The following ITPR2 variants were observed in gnomAD, a reference collection of about 807,000 sequenced individuals.
ITPR2 encodes inositol 1,4,5-trisphosphate-gated calcium channel ITPR2.
In ITPR2, 207 loss-of-function variants were observed where a neutral mutation model predicts 317.1. The ratio of observed to expected loss-of-function variants is 0.65; its 90% CI spans 0.58 to 0.73. The LOEUF is 0.73. Among genes scored for constraint, ITPR2 ranks in the 30% least tolerant of loss-of-function variants. The pLI, the probability that ITPR2 is intolerant of heterozygous loss-of-function variation, is 0.00. For synonymous variants in ITPR2, 1,156 were observed against 1,149.1 expected (o/e 1.01, Z -0.12); for missense variants, 2,613 against 3,284.0 (o/e 0.80, Z 4.99).
At chr12:26,455,114 T>C (rs1227866814) in intron 45 of ITPR2, among the ~76,000 whole-genome samples, 3 of 151,930 alleles carry the variant, frequency 2.0e-5, no homozygotes, top group Non-Finnish European at 2.9e-5. Context: ...ACACTGCCAG[T>C]GTGTGCTCAG....
chr12:26,786,453 A>T (rs868362912), intron 2 of ITPR2, among the ~76,000 whole-genome samples: 27,336 of 111,212 alleles, frequency 0.25, 3,208 homozygotes, highest in Non-Finnish European at 0.39. Flanking sequence ...GATCAATAAA[A>T]AAAAAAAAAA....
intron 2 of ITPR2, among the ~76,000 whole-genome samples, chr12:26,748,656 T>A (rs866028954): frequency 1.3e-5 from 2 of 152,226 alleles, no homozygotes; most frequent in South Asian, 2.1e-4. Context: ...TGCATTTTAG[T>A]CTTAGTGAGA....
chr12:26,454,992 A>G (rs912710285), intron 45 of ITPR2, among the ~76,000 whole-genome samples: 1 of 152,154 alleles, frequency 6.6e-6, no homozygotes, highest in Non-Finnish European at 1.5e-5. Flanking sequence ...TGATATACCT[A>G]TTCCAAGAAT....
At chr12:26,782,663 C>CT (rs35591617) in intron 2 of ITPR2, among the ~76,000 whole-genome samples, 55,687 of 152,054 alleles carry the variant, frequency 0.37, 12,676 homozygotes, top group Non-Finnish European at 0.53. Flanking sequence ...TGCATAACTT[C>CT]TTATACTTAC....
intron 42 of ITPR2, among the ~76,000 whole-genome samples, chr12:26,482,046 C>T (rs1238884779): frequency 6.6e-6 from 1 of 152,172 alleles, no homozygotes; most frequent in Admixed American, 6.5e-5. Flanking sequence ...GTATGAAAAA[C>T]TGAAATCCTG....
intron 34 of ITPR2, among the ~76,000 whole-genome samples, chr12:26,565,484 TGATAGATAGATAGATA>T (rs75320702): frequency 0.088 from 12,207 of 138,810 alleles, 722 homozygotes; most frequent in Non-Finnish European, 0.13. Context: ...GATAGACAGA[TGATAGATAGATAGATA>T]GATAGATAGA....
intron 49 of ITPR2, among the ~76,000 whole-genome samples, chr12:26,422,132 T>C (rs1940916439): frequency 6.6e-6 from 1 of 150,386 alleles, no homozygotes; most frequent in African/African-American, 2.4e-5. Context: ...AATTATTTAC[T>C]AATTATTTAC....
intron 9 of ITPR2, among the ~76,000 whole-genome samples, 183 bp from the exon 10 acceptor site, chr12:26,695,833 A>G (rs149037219): frequency 1.7e-4 from 26 of 152,326 alleles, no homozygotes; most frequent in Non-Finnish European, 2.6e-4. Context: ...GTTGCAGGAG[A>G]CAAAAGCTGA....
In ITPR2 at chr12:26,541,146, TAA is replaced by T. The variant is rs3058665; in HGVS notation, c.5073+9099_5073+9100del. Among the ~76,000 whole-genome samples, 247 of 110,120 alleles carry T rather than the reference TAA, an allele frequency of 2.2e-3. 3 individuals are homozygous for T. Among genetic ancestry groups the T allele is most frequent in the Admixed American group, 0.021 (220 of 10,546 alleles). 72.2% of individuals were successfully genotyped at this position (110,120 alleles called of 152,430 possible). A position where few individuals can be genotyped will look rare whatever the true frequency, so the allele number is the denominator to read the frequency against. ...AACATGGTGAAACCCCATCTCTGCT[TAA>T]AAAAAAAAAAAAAAAAAAATTAGCT... On this transcript the variant is annotated intron_variant, in intron 37 of 56. Transcript: ENST00000381340.
intron 37 of ITPR2, among the ~76,000 whole-genome samples, chr12:26,496,305 C>A (rs1453620400): frequency 6.6e-6 from 1 of 152,228 alleles, no homozygotes; most frequent in African/African-American, 2.4e-5. Context: ...CCAGCCATTT[C>A]TTCATGTCCC....
At chr12:26,790,602 C>CACAT in intron 1 of ITPR2, among the ~76,000 whole-genome samples, 2 of 152,028 alleles carry the variant, frequency 1.3e-5, no homozygotes, top group Middle Eastern at 6.8e-3. Flanking sequence ...CACACACACA[C>CACAT]ACACACACAC....
chr12:26,390,877 A>G (rs1939812208), intron 54 of ITPR2, among the ~76,000 whole-genome samples: 1 of 152,244 alleles, frequency 6.6e-6, no homozygotes, highest in Non-Finnish European at 1.5e-5. Flanking sequence ...CAATTCAAAC[A>G]TCTACCAGTT....
intron 26 of ITPR2, among the ~76,000 whole-genome samples, chr12:26,605,066 C>T (rs1431911251): frequency 3.0e-5 from 4 of 132,714 alleles, no homozygotes; most frequent in Non-Finnish European, 6.4e-5. Context: ...GCAGCCTGGG[C>T]GACAGAGCAT....
chr12:26,657,977 A>G (rs1947412384), intron 17 of ITPR2, 34 bp downstream of exon 17: 3 of 1,601,872 alleles, frequency 1.9e-6, no homozygotes, highest in Middle Eastern at 3.3e-4. Context: ...CAAATAATCA[A>G]CAGGAAAATG....
At chr12:26,556,566 T>TTTGTGTGTGTG (rs370599538) in intron 35 of ITPR2, among the ~76,000 whole-genome samples, 191 bp from the exon 36 acceptor site, 3 of 136,270 alleles carry the variant, frequency 2.2e-5, no homozygotes, top group Non-Finnish European at 4.7e-5. Flanking sequence ...ATTTTTTTTT[T>TTTGTGTGTGTG]TGTGTGTGTG....
At chr12:26,736,712 T>C (rs1034444809) in intron 2 of ITPR2, among the ~76,000 whole-genome samples, 4 of 152,106 alleles carry the variant, frequency 2.6e-5, no homozygotes, top group Admixed American at 1.3e-4. Flanking sequence ...TATAAATAAG[T>C]GAATACTGTG....
chr12:26,518,765 T>G (rs1565576428), intron 37 of ITPR2, among the ~76,000 whole-genome samples: 2 of 152,202 alleles, frequency 1.3e-5, no homozygotes. Flanking sequence ...AAACTTGCTT[T>G]CTGAGAAAAT....
chr12:26,572,722 ACTT>A (rs1396683816), intron 34 of ITPR2, among the ~76,000 whole-genome samples: 1 of 152,188 alleles, frequency 6.6e-6, no homozygotes, highest in East Asian at 1.9e-4. Context: ...TGGTTTCCTT[ACTT>A]GGGGCTTTGA....
At chr12:26,452,553 G>A (rs1045046831) in intron 45 of ITPR2, among the ~76,000 whole-genome samples, 3 of 152,172 alleles carry the variant, frequency 2.0e-5, no homozygotes, top group African/African-American at 7.2e-5. Flanking sequence ...CAGTGTGGTG[G>A]TGTTGGGAGG....
Sources: allele counts gnomAD v4.1 joint callset (sites outside exome capture counted in the v4.1 genomes callset), GRCh38; gene constraint gnomAD v4.1.1; transcripts MANE v1.5; gene names NCBI Gene and HGNC (gene_info 2026-07-23, HGNC 2026-07-21).